WDR72: variants seen among roughly 807,000 people sequenced by gnomAD.
WDR72 encodes the protein WD repeat domain 72.
Under a neutral mutation model 124.2 loss-of-function variants are expected in WDR72, and 120 were observed. The ratio of observed to expected loss-of-function variants is 0.97; its 90% confidence interval spans 0.83 to 1.12. The LOEUF is 1.12. WDR72 is among the 50% of genes most tolerant of loss of function. The probability of loss-of-function intolerance (pLI) is 0.00; values close to 1 mark genes in which losing one functional copy is unlikely to be tolerated. For missense variants in WDR72, 1,387 were observed against 1,278.8 expected, an observed-to-expected ratio of 1.08 and a Z score of -1.29; for synonymous variants, 452 against 441.7, an observed-to-expected ratio of 1.02 and a Z score of -0.29.
At chr15:53,543,694 A>C (rs1893283612) in intron 18 of WDR72, among the ~76,000 whole-genome samples, 1 of 152,058 alleles carries the variant, frequency 6.6e-6, no homozygotes, top group African/African-American at 2.4e-5. Context: ...CAAAAAATTA[A>C]TGAATCCAGG....
intron 17 of WDR72, among the ~76,000 whole-genome samples, chr15:53,598,606 AC>A (rs1434693735): frequency 6.6e-6 from 1 of 152,158 alleles, no homozygotes; most frequent in East Asian, 1.9e-4. Context: ...CTGGCCTCTG[AC>A]TTTTAAATAT....
At chr15:53,687,139 A>G (rs1192724491) in intron 13 of WDR72, among the ~76,000 whole-genome samples, 1 of 148,908 alleles carries the variant, frequency 6.7e-6, no homozygotes, top group African/African-American at 2.5e-5. Context: ...CCCTAACATC[A>G]CAATTAAAAG....
At chr15:53,728,605 T>G (rs1048841088) in intron 2 of WDR72, among the ~76,000 whole-genome samples, 3 of 152,244 alleles carry the variant, frequency 2.0e-5, no homozygotes, top group African/African-American at 7.2e-5. Context: ...TTCTTCATTT[T>G]ATTGTGTTTC....
chr15:53,710,526 C>A (rs1403785803), intron 9 of WDR72, among the ~76,000 whole-genome samples: 4 of 151,958 alleles, frequency 2.6e-5, no homozygotes, highest in African/African-American at 7.3e-5. Context: ...TAAATACATA[C>A]AACAAAGTAA....
intron 18 of WDR72, among the ~76,000 whole-genome samples, chr15:53,526,038 C>T (rs1459956166): frequency 1.3e-5 from 2 of 152,018 alleles, no homozygotes; most frequent in Non-Finnish European, 2.9e-5. Context: ...TGAACTCTGA[C>T]ATGATGTGTG....
chr15:53,711,631 T>C (rs2017542226), intron 7 of WDR72, 150 bp from the exon 8 acceptor site: 12 of 867,012 alleles, frequency 1.4e-5, no homozygotes, highest in Non-Finnish European at 2.2e-5. Flanking sequence ...TATTTTACCA[T>C]GACTTATTGA....
chr15:53,595,709 C>A (rs1408836499), intron 18 of WDR72, among the ~76,000 whole-genome samples: 1 of 152,062 alleles, frequency 6.6e-6, no homozygotes, highest in Non-Finnish European at 1.5e-5. Context: ...GTCAAAAATG[C>A]AAATGTAGTC....
At chr15:53,659,149 T>A (rs1426164761) in intron 14 of WDR72, among the ~76,000 whole-genome samples, 1 of 151,612 alleles carries the variant, frequency 6.6e-6, no homozygotes, top group East Asian at 1.9e-4. Flanking sequence ...TTCATTTTTA[T>A]GAGAGGTTTT....
At chr15:53,603,175 G>A (rs1331125034) in intron 17 of WDR72, among the ~76,000 whole-genome samples, 1 of 151,794 alleles carries the variant, frequency 6.6e-6, no homozygotes, top group Non-Finnish European at 1.5e-5. Context: ...ATGCAAGTTT[G>A]GTTCAACATA....
intron 13 of WDR72, among the ~76,000 whole-genome samples, chr15:53,693,924 G>A (rs1236057560): frequency 1.3e-5 from 2 of 152,116 alleles, no homozygotes; most frequent in Non-Finnish European, 2.9e-5. Flanking sequence ...TAATCATGAG[G>A]CTTTCTGCTC....
intron 17 of WDR72, among the ~76,000 whole-genome samples, chr15:53,605,485 T>C (rs1167959167): frequency 6.6e-6 from 1 of 152,204 alleles, no homozygotes; most frequent in African/African-American, 2.4e-5. Context: ...ACCCCTCAAC[T>C]TAAAATAAAA....
chr15:53,535,238 A>T (rs1405845131), intron 18 of WDR72, among the ~76,000 whole-genome samples: 1 of 152,198 alleles, frequency 6.6e-6, no homozygotes, highest in Non-Finnish European at 1.5e-5. Context: ...TGGCTTATAT[A>T]CATTTTTGTC....
Position 53,515,086 on chromosome 15 carries a change from T to TGTATACACACACACAC in WDR72, c.*2612_*2613insGTGTGTGTGTGTATAC, listed in dbSNP as rs34023014. 2 of 87,238 alleles carry TGTATACACACACACAC rather than the reference T, an allele frequency of 2.3e-5. No homozygotes were observed. Among genetic ancestry groups the TGTATACACACACACAC allele is most frequent in the East Asian group, 3.5e-4 (1 of 2,862 alleles). The allele number at this position is 87,238 out of a possible 1,614,324, so 5.4% of individuals were successfully genotyped here. ...ATATACACACATATATATGTATGTA[T>TGTATACACACACACAC]ACACACACACACACACACACAAATA... is the stretch of plus-strand genomic sequence containing the variant. On this transcript the variant is annotated 3_prime_UTR_variant, in exon 20 of 20. Transcript: ENST00000360509.
chr15:53,558,132 T>C (rs1893997139), intron 18 of WDR72, among the ~76,000 whole-genome samples: 1 of 152,062 alleles, frequency 6.6e-6, no homozygotes, highest in Non-Finnish European at 1.5e-5. Context: ...ACTTCTACTA[T>C]AAATGTGTCC....
chr15:53,602,584 C>T (rs915097957), intron 17 of WDR72, among the ~76,000 whole-genome samples: 1 of 151,826 alleles, frequency 6.6e-6, no homozygotes, highest in Non-Finnish European at 1.5e-5. Flanking sequence ...TAAAATAGAT[C>T]ACTCACTAGA....
chr15:53,552,457 C>T (rs979538457), intron 18 of WDR72, among the ~76,000 whole-genome samples: 20 of 152,100 alleles, frequency 1.3e-4, no homozygotes, highest in African/African-American at 4.3e-4. Flanking sequence ...TCTTTAGGAA[C>T]AATGTCTATT....
intron 13 of WDR72, among the ~76,000 whole-genome samples, chr15:53,682,320 G>A (rs1479666264): frequency 6.6e-6 from 1 of 151,542 alleles, no homozygotes; most frequent in African/African-American, 2.4e-5. Context: ...TGTGGGGTGG[G>A]AGGATGCACT....
intron 14 of WDR72, among the ~76,000 whole-genome samples, chr15:53,664,401 C>G (rs2015709095): frequency 6.6e-6 from 1 of 152,136 alleles, no homozygotes; most frequent in African/African-American, 2.4e-5. Flanking sequence ...AAATCTAAAT[C>G]AGTCCTCTAA....
chr15:53,599,695 C>T (rs551601015), intron 17 of WDR72, among the ~76,000 whole-genome samples: 2 of 152,234 alleles, frequency 1.3e-5, no homozygotes, highest in East Asian at 3.9e-4. Context: ...ATGCTTATCA[C>T]CCCAGAGGCA....
Sources: gnomAD v4.1 joint callset for allele counts (sites outside exome capture counted in the v4.1 genomes callset) on GRCh38, gnomAD v4.1.1 for gene constraint, MANE v1.5 for transcripts, NCBI Gene and HGNC (gene_info 2026-07-23, HGNC 2026-07-21) for gene names.